Variants in RBFOX1 observed in about 807,000 individuals in gnomAD.
RBFOX1 encodes the protein RNA binding protein fox-1 homolog 1.
Under a neutral mutation model 57.7 loss-of-function variants are expected in RBFOX1, and 8 were observed. That is an observed-to-expected ratio of 0.14 (90% CI 0.08 to 0.25). RBFOX1 has a LOEUF of 0.25. RBFOX1 is among the 10% of genes least tolerant of loss of function. The pLI, the probability that RBFOX1 is intolerant of heterozygous loss-of-function variation, is 1.00. For synonymous variants in RBFOX1, 326 were observed against 222.4 expected (o/e 1.47, Z -4.15); for missense variants, 611 against 548.5 (o/e 1.11, Z -1.14).
chr16:7,047,001 A>G (rs1178084443), intron 3 of RBFOX1, among the ~76,000 whole-genome samples: 1 of 149,708 alleles, frequency 6.7e-6, no homozygotes, highest in Non-Finnish European at 1.5e-5. Context: ...GCCATTAAAC[A>G]TATTTTAATG....
intron 3 of RBFOX1, among the ~76,000 whole-genome samples, chr16:6,821,136 G>C (rs1338943249): frequency 6.6e-6 from 1 of 152,176 alleles, no homozygotes; most frequent in African/African-American, 2.4e-5. Flanking sequence ...ATGAGATTCA[G>C]TGCCAGGTTT....
chr16:6,671,389 C>G (rs1254220343), intron 3 of RBFOX1, among the ~76,000 whole-genome samples: 1 of 152,082 alleles, frequency 6.6e-6, no homozygotes, highest in Non-Finnish European at 1.5e-5. Context: ...TTGACCATGT[C>G]TAAAATTTGC....
intron 2 of RBFOX1, among the ~76,000 whole-genome samples, chr16:6,545,109 T>C (rs190078150): frequency 1.3e-3 from 202 of 152,330 alleles, no homozygotes; most frequent in African/African-American, 4.7e-3. Context: ...TTCCTCCAAA[T>C]GATATCTAAA....
intron 4 of RBFOX1, among the ~76,000 whole-genome samples, chr16:5,908,332 A>ATGTG (rs879393323): frequency 0.053 from 7,260 of 137,436 alleles, 322 homozygotes; most frequent in Admixed American, 0.082. Flanking sequence ...ACATATATAT[A>ATGTG]TGTGTGTGTG....
At chr16:5,945,034 C>G (rs182527870) in intron 4 of RBFOX1, among the ~76,000 whole-genome samples, 4 of 150,504 alleles carry the variant, frequency 2.7e-5, no homozygotes, top group African/African-American at 4.9e-5. Context: ...TCTCACCTCC[C>G]TTGCTGGGCT....
chr16:5,775,718 C>G (rs1051518783), intron 3 of RBFOX1, among the ~76,000 whole-genome samples: 1 of 152,122 alleles, frequency 6.6e-6, no homozygotes, highest in Non-Finnish European at 1.5e-5. Context: ...ATCCTTAGAG[C>G]CTGCTAACTT....
intron 1 of RBFOX1, among the ~76,000 whole-genome samples, chr16:6,118,792 TC>T (rs1567499423): frequency 1.8e-4 from 26 of 147,426 alleles, no homozygotes; most frequent in African/African-American, 6.3e-4. Context: ...TCTCTTTCTC[TC>T]TCTCCTTCCT....
intron 4 of RBFOX1, among the ~76,000 whole-genome samples, chr16:5,908,082 A>C (rs1420766996): frequency 7.0e-6 from 1 of 142,452 alleles, no homozygotes; most frequent in Non-Finnish European, 1.5e-5. Context: ...ATATATATAT[A>C]TATACACATA....
At chr16:7,379,169 C>G (rs1381461660) in intron 4 of RBFOX1, among the ~76,000 whole-genome samples, 1 of 152,108 alleles carries the variant, frequency 6.6e-6, no homozygotes, top group Non-Finnish European at 1.5e-5. Context: ...AACTCTCTTT[C>G]CTCTCAAGGT....
At chr16:6,273,907 A>G (rs2075509712) in intron 1 of RBFOX1, among the ~76,000 whole-genome samples, 1 of 152,140 alleles carries the variant, frequency 6.6e-6, no homozygotes, top group African/African-American at 2.4e-5. Flanking sequence ...CATTTTACTG[A>G]AGAGGATACA....
intron 1 of RBFOX1, among the ~76,000 whole-genome samples, chr16:5,329,571 C>T (rs999652852): frequency 6.6e-6 from 1 of 152,134 alleles, no homozygotes; most frequent in Non-Finnish European, 1.5e-5. Flanking sequence ...AACTGAGGTC[C>T]GAAAAACTTA....
chr16:7,366,557 C>G (rs1402173273), intron 4 of RBFOX1, among the ~76,000 whole-genome samples: 1 of 152,146 alleles, frequency 6.6e-6, no homozygotes, highest in Non-Finnish European at 1.5e-5. Flanking sequence ...ACCATGGAGG[C>G]TGCCTTAGTC....
downstream of RBFOX1, among the ~76,000 whole-genome samples, chr16:5,601,924 C>T (rs1416895057): frequency 1.3e-5 from 2 of 152,216 alleles, no homozygotes; most frequent in Non-Finnish European, 2.9e-5. Context: ...GGCCCCCAAC[C>T]TCACTCATGG....
intron 4 of RBFOX1, among the ~76,000 whole-genome samples, chr16:7,408,505 T>C (rs1287116210): frequency 6.6e-6 from 1 of 152,194 alleles, no homozygotes; most frequent in Non-Finnish European, 1.5e-5. Context: ...GAGAAGTAGC[T>C]AATTCCCGAC....
At chr16:5,697,253 G>A (rs1047025911) in intron 3 of RBFOX1, among the ~76,000 whole-genome samples, 8 of 151,870 alleles carry the variant, frequency 5.3e-5, no homozygotes, top group Non-Finnish European at 1.0e-4. Context: ...TGGTGTTCAC[G>A]TCATTTGTCA....
At chr16:7,558,677 C>G (rs2089485789) in intron 5 of RBFOX1, among the ~76,000 whole-genome samples, 1 of 150,966 alleles carries the variant, frequency 6.6e-6, no homozygotes, top group Admixed American at 6.6e-5. Flanking sequence ...TATCAACAAA[C>G]TTCAACAGTC....
At chr16:5,417,607 G>C (rs1160774204) in intron 1 of RBFOX1, among the ~76,000 whole-genome samples, 1 of 152,192 alleles carries the variant, frequency 6.6e-6, no homozygotes, top group African/African-American at 2.4e-5. Flanking sequence ...GGCAGACATG[G>C]GCTGGTATCA....
chr16:6,914,965 C>A (rs977494974), intron 3 of RBFOX1, among the ~76,000 whole-genome samples: 2 of 152,214 alleles, frequency 1.3e-5, no homozygotes, highest in South Asian at 4.1e-4. Flanking sequence ...ATAGTGCCTG[C>A]GTACTATTAT....
intron 2 of RBFOX1, among the ~76,000 whole-genome samples, chr16:6,598,843 G>A (rs2097808384): frequency 6.6e-6 from 1 of 152,152 alleles, no homozygotes. Flanking sequence ...CTACTCGGGA[G>A]GCTGAGGCAG....
Sources: gnomAD v4.1 joint callset for allele counts (sites outside exome capture counted in the v4.1 genomes callset) on GRCh38, gnomAD v4.1.1 for gene constraint, MANE v1.5 for transcripts, NCBI Gene and HGNC (gene_info 2026-07-23, HGNC 2026-07-21) for gene names.